BPIFB4: variants seen among roughly 807,000 people sequenced by gnomAD.
The protein encoded by BPIFB4 is BPI fold-containing family B member 4.
BPIFB4 carries 62 observed loss-of-function variants against 69.2 expected under a neutral mutation model. The ratio of observed to expected loss-of-function variants is 0.90; its 90% CI spans 0.73 to 1.11. BPIFB4 has a LOEUF of 1.11. Ranked by LOEUF, BPIFB4 falls within the 50% of genes least tolerant of loss-of-function variation. The pLI, the probability that BPIFB4 is intolerant of heterozygous loss-of-function variation, is 0.00. For missense variants in BPIFB4, 789 were observed against 792.0 expected, an observed-to-expected ratio of 1.00 and a Z score of 0.04; for synonymous variants, 330 against 332.7, an observed-to-expected ratio of 0.99 and a Z score of 0.09.
At position 33,100,296 on chromosome 20, in the gene BPIFB4, C is replaced by T. The variant is rs78076405; in HGVS notation, c.1570-130C>T. 3.6e-3 allele frequency: 2,572 copies of T among 706,452 alleles called. 43 individuals are homozygous for T. The African/African-American group carries it at 0.038, about 10-fold the overall frequency. The allele number at this position is 706,452 out of a possible 1,614,324, so 43.8% of individuals were successfully genotyped here. A position where few individuals can be genotyped will look rare whatever the true frequency, so the allele number is the denominator to read the frequency against. ...ATAAAAGGAGGTCTGACCCAGGCCT[C>T]GGGGAACAACCTGCCATCATGCTCA... On this transcript the variant is annotated intron_variant, in intron 13 of 17. Coordinates refer to ENST00000375483, the MANE Select transcript of BPIFB4 (RefSeq NM_182519.3).
At chr20:33,084,141 T>C (rs6057720) in intron 5 of BPIFB4, among the ~76,000 whole-genome samples, 6,506 of 152,338 alleles carry the variant, frequency 0.043, 451 homozygotes, top group African/African-American at 0.15. Flanking sequence ...CTCAGTTTCC[T>C]CATCTGTAGA....
chr20:33,104,813 G>T lies in BPIFB4; in HGVS notation c.1684G>T (p.Gly562Cys), dbSNP rs1981999462. ...TGTCCTCCTTCTTCCTCTGCAGATT[G>T]GCCTCATGGAGGTGCTGGTGGAGAA... ...RTSNVGNFDI[G>C]LMEVLVEKIF... is the part of the protein sequence containing the mutation. Residue 562 changes from glycine (G) to cysteine (C), a missense_variant, in exon 16 of 18, where the codon GGC becomes TGC. By Grantham distance (159) the Gly-to-Cys change is radical. This residue lies in a region of BPIFB4 where 170 missense variants were observed against 193.6 expected (regional missense o/e 0.88). Transcript: ENST00000375483. The T allele has an allele frequency of 6.2e-7, 1 of 1,613,910 alleles. No individual in the cohort carries two copies. The highest frequency in any genetic ancestry group is 8.5e-7 in the Non-Finnish European group (1 of 1,179,958).
rs768593255 is a variant in BPIFB4 at position 33,097,734 on chromosome 20, G to A, written c.1516G>A (p.Val506Ile). The change falls in exon 13 of 18, where the codon GTC becomes ATC. Residue 506 changes from valine to isoleucine, a missense_variant. Physicochemically the swap from Val to Ile is conservative, Grantham distance 29. Coordinates refer to ENST00000375483, the MANE Select transcript of BPIFB4 (RefSeq NM_182519.3). ...ALVKVLATAE[V>I]MVSQPKDLET... Reference sequence around the variant, plus strand: ...GGTGAAGGTGTTGGCCACTGCCGAGGTCATGGTCTCCCAGCCCAAAGACCT... The same window carrying A: ...GGTGAAGGTGTTGGCCACTGCCGAGATCATGGTCTCCCAGCCCAAAGACCT... The A allele has an allele frequency of 6.2e-7, 1 of 1,614,168 alleles. No individual in the cohort carries two copies.
intron 13 of BPIFB4, among the ~76,000 whole-genome samples, chr20:33,099,931 G>A (rs1053778928): frequency 1.3e-5 from 2 of 152,076 alleles, no homozygotes; most frequent in African/African-American, 4.8e-5. Flanking sequence ...TACTTGGAGA[G>A]AGAGAGAGAG....
chr20:33,083,934 A>T (rs1981339964), intron 5 of BPIFB4, 60 bp downstream of exon 5: 12 of 1,515,998 alleles, frequency 7.9e-6, no homozygotes, highest in Non-Finnish European at 1.1e-5. Flanking sequence ...GGGGGTGATC[A>T]CTCCCTGAAG....
In BPIFB4 at chr20:33,081,593, A is replaced by T; in HGVS notation, c.67A>T (p.Asn23Tyr). ...VAVCGTSHET[N>Y]TVLRVTKDVL... ...TGTGTGTGGCACCAGCCACGAGACAAACACGGTCCTCAGGGTGACGAAAGA... is the reference window on the plus strand; with the variant it reads ...TGTGTGTGGCACCAGCCACGAGACATACACGGTCCTCAGGGTGACGAAAGA... The change falls in exon 3 of 18, where the codon AAC becomes TAC. Residue 23 changes from asparagine to tyrosine, a missense_variant. Physicochemically the swap from Asn to Tyr is moderately radical, Grantham distance 143. This residue lies in a region of BPIFB4 where 611 missense variants were observed against 575.4 expected (regional missense o/e 1.06). Coordinates refer to ENST00000375483, the MANE Select transcript of BPIFB4 (RefSeq NM_182519.3). The T allele has an allele frequency of 6.4e-7, 1 of 1,551,746 alleles. No individual in the cohort carries two copies. Among genetic ancestry groups the T allele is most frequent in the Non-Finnish European group, 8.7e-7 (1 of 1,146,994 alleles).
At chr20:33,100,277 G>A (rs1981870333) in intron 13 of BPIFB4, 149 bp from the exon 14 acceptor site, 1 of 588,832 alleles carries the variant, frequency 1.7e-6, no homozygotes, top group Admixed American at 2.7e-5. Flanking sequence ...GCTTATAAAA[G>A]GAGGTCTGAC....
intron 14 of BPIFB4, among the ~76,000 whole-genome samples, chr20:33,101,236 G>T (rs989019002): frequency 5.3e-5 from 8 of 152,150 alleles, no homozygotes; most frequent in African/African-American, 1.9e-4. Context: ...GGAAACAGTG[G>T]ATTTACTTAC....
Position 33,107,778 on chromosome 20 carries a change from C to A in BPIFB4, c.1779C>A (p.Ile593=), listed in dbSNP as rs760291638. 2 of 1,614,150 alleles carry A rather than the reference C, an allele frequency of 1.2e-6. No individual in the cohort carries two copies. The highest frequency in any genetic ancestry group is 1.7e-6 in the Non-Finnish European group (2 of 1,179,982). Residue 593 remains isoleucine, a synonymous_variant, in exon 17 of 18, where the codon ATC becomes ATA. Transcript: ENST00000375483. The part of the protein sequence containing the change: ...VLGSGVPLPK[I]LNIDFSNADI... ...GTTCTGGCGTCCCTCTCCCCAAAAT[C>A]CTCAACATCGACTTTAGCAATGCAG...
chr20:33,091,334 G>C (rs559518221), intron 10 of BPIFB4, among the ~76,000 whole-genome samples: 1 of 152,264 alleles, frequency 6.6e-6, no homozygotes. Flanking sequence ...ATCATGGACA[G>C]CTTCAAGTTA....
In BPIFB4 at chr20:33,107,751, G is replaced by T; in HGVS notation, c.1752G>T (p.Leu584=). 1 of 1,613,740 alleles carries T rather than the reference G, an allele frequency of 6.2e-7. No individual in the cohort carries two copies. Among genetic ancestry groups the T allele is most frequent in the Non-Finnish European group, 8.5e-7 (1 of 1,179,632 alleles). ...CTGTTTTTTATTTTACAGCTGTGCTGGGTTCTGGCGTCCCTCTCCCCAAAA... is the reference window on the plus strand; with the variant it reads ...CTGTTTTTTATTTTACAGCTGTGCTTGGTTCTGGCGTCCCTCTCCCCAAAA... ...LAFMPAMNAV[L]GSGVPLPKIL... The change falls in exon 17 of 18, where the codon CTG becomes CTT. Residue 584 remains leucine, a synonymous_variant. Coordinates refer to ENST00000375483, the MANE Select transcript of BPIFB4 (RefSeq NM_182519.3).
At chr20:33,090,674 G>A (rs1300800884) in intron 9 of BPIFB4, 34 bp from the exon 10 acceptor site, 7 of 1,611,342 alleles carry the variant, frequency 4.3e-6, no homozygotes, top group African/African-American at 2.7e-5. Flanking sequence ...GGATGGTGAG[G>A]GGACCTCCCT....
chr20:33,106,578 G>A (rs1363602985), intron 16 of BPIFB4, among the ~76,000 whole-genome samples: 1 of 151,882 alleles, frequency 6.6e-6, no homozygotes, highest in East Asian at 1.9e-4. Flanking sequence ...TTGCCATGTT[G>A]GCCAGGCTGG....
intron 13 of BPIFB4, 66 bp from the exon 14 acceptor site, chr20:33,100,360 A>G: frequency 2.2e-6 from 3 of 1,376,606 alleles, no homozygotes; most frequent in Admixed American, 1.7e-5. Flanking sequence ...GCACACAATG[A>G]GCCTTTGGCA....
In BPIFB4 at chr20:33,104,861, C is replaced by A; in HGVS notation, c.1732C>A (p.Pro578Thr). The change falls in exon 16 of 18, where the codon CCC (proline) becomes ACC (threonine). Residue 578 changes from proline (P) to threonine (T), a missense_variant. Coordinates refer to ENST00000375483, the MANE Select transcript of BPIFB4 (RefSeq NM_182519.3). Reference protein sequence around the residue: ...VEKIFDLAFMPAMNAVLGSGV... With the variant: ...VEKIFDLAFMTAMNAVLGSGV... Reference sequence around the variant, plus strand: ...GAAGATTTTTGACCTGGCATTCATGCCCGCAATGAACGGTGAGAGCGGGTG... The same window carrying A: ...GAAGATTTTTGACCTGGCATTCATGACCGCAATGAACGGTGAGAGCGGGTG... 1.2e-6 allele frequency: 2 copies of A among 1,614,056 alleles called. No individual in the cohort carries two copies. The highest frequency in any genetic ancestry group is 1.7e-6 in the Non-Finnish European group (2 of 1,179,972).
intron 3 of BPIFB4, among the ~76,000 whole-genome samples, chr20:33,082,073 C>T (rs574131828): frequency 2.0e-5 from 3 of 152,102 alleles, no homozygotes; most frequent in Non-Finnish European, 2.9e-5. Context: ...CTTAGAAGGC[C>T]CTCAAAAGTG....
intron 8 of BPIFB4, 133 bp from the exon 9 acceptor site, chr20:33,089,365 C>A: frequency 7.1e-7 from 1 of 1,411,366 alleles, no homozygotes; most frequent in South Asian, 1.3e-5. Context: ...CCCCACAGGG[C>A]TGTGGTGAGG....
At chr20:33,109,533 C>G (rs2146418765) in intron 17 of BPIFB4, among the ~76,000 whole-genome samples, 1 of 152,234 alleles carries the variant, frequency 6.6e-6, no homozygotes, top group Middle Eastern at 3.4e-3. Flanking sequence ...TGAAGCAGCT[C>G]AAACCAATGG....
rs1276029703 is a variant in BPIFB4, at chr20:33,090,724, G to A, written c.1068G>A (p.Gly356=). The A allele has an allele frequency of 2.5e-6, 4 of 1,614,164 alleles. No individual in the cohort carries two copies. The highest frequency in any genetic ancestry group is 3.4e-6 in the Non-Finnish European group (4 of 1,180,016). The stretch of plus-strand genomic sequence containing the variant: ...TGCCTGCAGCTCTGATTCCTCTGGG[G>A]ATATTGGGAAGTGTCCAGTACACCT... ...LGLVDSLIPL[G]ILGSVQYTFS... The change falls in exon 10 of 18, where the codon GGG becomes GGA. Residue 356 remains glycine, a synonymous_variant. Transcript: ENST00000375483.
Sources: gnomAD v4.1 joint callset for allele counts (sites outside exome capture counted in the v4.1 genomes callset) on GRCh38, gnomAD v4.1.1 for gene constraint, gnomAD v4.1.1 regional missense constraint, MANE v1.5 for transcripts, NCBI Gene and HGNC (gene_info 2026-07-23, HGNC 2026-07-21) for gene names.